The following MYO6 variants were observed in gnomAD, a reference collection of about 807,000 sequenced individuals.
MYO6 encodes myosin VI, also known as unconventional myosin-VI.
In MYO6, 74 loss-of-function variants were observed where a neutral mutation model predicts 178.7. The ratio of observed to expected loss-of-function variants is 0.41; its 90% CI spans 0.34 to 0.50. MYO6 has a LOEUF of 0.50. Ranked by LOEUF, MYO6 falls within the 20% of genes least tolerant of loss-of-function variation. The pLI is 0.09. For missense variants in MYO6, 1,330 were observed against 1,547.4 expected, an observed-to-expected ratio of 0.86 and a Z score of 2.36; for synonymous variants, 477 against 504.6, an observed-to-expected ratio of 0.95 and a Z score of 0.73.
intron 30 of MYO6, among the ~76,000 whole-genome samples, chr6:75,899,244 A>G (rs1422355204): frequency 6.6e-6 from 1 of 152,180 alleles, no homozygotes; most frequent in Admixed American, 6.5e-5. Context: ...TTTGAATTTA[A>G]TGTAATTTTT....
chr6:75,904,999 G>A lies in MYO6; in HGVS notation c.3177-2606G>A, dbSNP rs577205337. ...GAGTACCCGGCCGTGTGAGGTGTCA[G>A]TCTGCCCCTGCTGGGGGTGCCTCCC... On this transcript the variant is annotated intron_variant, in intron 30 of 34. Coordinates refer to ENST00000369977, the MANE Select transcript of MYO6 (RefSeq NM_004999.4). Among the ~76,000 whole-genome samples, 3 of 152,302 alleles carry A rather than the reference G, an allele frequency of 2.0e-5. No homozygotes were observed. The South Asian group carries it at 6.2e-4, about 32-fold the overall frequency.
At chr6:75,866,787 T>A in intron 17 of MYO6, 145 bp from the exon 18 acceptor site, 1 of 1,041,586 alleles carries the variant, frequency 9.6e-7, no homozygotes, top group Non-Finnish European at 1.5e-6. Context: ...AGGTGCCCAG[T>A]GTCCACACTG....
chr6:75,800,745 G>A (rs1769369783), intron 1 of MYO6, among the ~76,000 whole-genome samples: 1 of 152,020 alleles, frequency 6.6e-6, no homozygotes, highest in Admixed American at 6.6e-5. Context: ...TTTTGAGACA[G>A]GGTCTCACTC....
chr6:75,836,067 T>C, intron 7 of MYO6, 111 bp downstream of exon 7: 4 of 764,836 alleles, frequency 5.2e-6, no homozygotes, highest in Non-Finnish European at 9.5e-6. Context: ...TCTTATCTCC[T>C]ACTAATCATT....
chr6:75,879,992 T>G, intron 21 of MYO6, 42 bp downstream of exon 21: 2 of 1,613,570 alleles, frequency 1.2e-6, no homozygotes, highest in Non-Finnish European at 1.7e-6. Context: ...GCTATGAACT[T>G]GTCTTTTCTA....
intron 7 of MYO6, among the ~76,000 whole-genome samples, chr6:75,837,194 G>C (rs1041129968): frequency 6.6e-6 from 1 of 151,946 alleles, no homozygotes; most frequent in Non-Finnish European, 1.5e-5. Flanking sequence ...GATGTATTAG[G>C]CATTATCTCA....
At chr6:75,840,763 C>A in intron 8 of MYO6, 81 bp downstream of exon 8, 2 of 1,006,792 alleles carry the variant, frequency 2.0e-6, no homozygotes, top group Non-Finnish European at 3.1e-6. Context: ...TGTATTTGCA[C>A]TTAATGGTAA....
At chr6:75,781,270 G>A (rs138920820) in intron 1 of MYO6, among the ~76,000 whole-genome samples, 227 of 152,308 alleles carry the variant, frequency 1.5e-3, no homozygotes, top group Admixed American at 4.0e-3. Context: ...CCTGAGAAGG[G>A]TTAGAGTGAA....
intron 30 of MYO6, among the ~76,000 whole-genome samples, chr6:75,904,496 AC>A (rs1479644965): frequency 6.6e-6 from 1 of 151,922 alleles, no homozygotes; most frequent in Non-Finnish European, 1.5e-5. Context: ...CATCGCTGAT[AC>A]CCTTTCTTCC....
At position 75,915,473 on chromosome 6, in the gene MYO6, C is replaced by G. The variant is rs1156399072; in HGVS notation, c.*461C>G. The stretch of plus-strand genomic sequence containing the variant: ...GGCACTAATGTTTTGGTCTGAAAAG[C>G]TGTGTACTTTATAGACATTTTCAGA... On this transcript the variant is annotated 3_prime_UTR_variant, in exon 35 of 35. Transcript: ENST00000369977. 5.9e-6 allele frequency: 1 copy of G among 168,954 alleles called. No homozygotes were observed. 10.5% of individuals were successfully genotyped at this position (168,954 alleles called of 1,614,324 possible). A position where few individuals can be genotyped will look rare whatever the true frequency, so the allele number is the denominator to read the frequency against.
chr6:75,864,592 C>T (rs1044740910), intron 16 of MYO6, among the ~76,000 whole-genome samples: 1 of 152,106 alleles, frequency 6.6e-6, no homozygotes, highest in African/African-American at 2.4e-5. Context: ...GGAGTTGGCA[C>T]CTAGAGTCAT....
intron 22 of MYO6, among the ~76,000 whole-genome samples, chr6:75,881,468 G>A (rs1333862882): frequency 7.5e-6 from 1 of 133,064 alleles, no homozygotes; most frequent in East Asian, 2.2e-4. Flanking sequence ...CTAGCATTAA[G>A]TAACCTCCTT....
chr6:75,757,053 T>C (rs1330073637), intron 1 of MYO6, among the ~76,000 whole-genome samples: 1 of 142,512 alleles, frequency 7.0e-6, no homozygotes, highest in Non-Finnish European at 1.5e-5. Context: ...TATGTGTATA[T>C]ATGTATACAC....
At chr6:75,907,271 T>A (rs1780402555) in intron 30 of MYO6, among the ~76,000 whole-genome samples, 2 of 152,240 alleles carry the variant, frequency 1.3e-5, no homozygotes, top group African/African-American at 4.8e-5. Context: ...TTGAGGAATA[T>A]ATGTCAGTAT....
intron 1 of MYO6, among the ~76,000 whole-genome samples, chr6:75,798,498 T>C (rs1769089369): frequency 6.6e-6 from 1 of 152,136 alleles, no homozygotes; most frequent in South Asian, 2.1e-4. Flanking sequence ...TTCACCACAT[T>C]GACAAAATTA....
intron 20 of MYO6, among the ~76,000 whole-genome samples, chr6:75,878,550 C>A (rs1777754780): frequency 6.6e-6 from 1 of 152,180 alleles, no homozygotes; most frequent in Non-Finnish European, 1.5e-5. Context: ...CTTTGCCAGT[C>A]AAATGGGTTA....
rs1003673070 is a variant in MYO6, at chr6:75,854,050, T to C, written c.1079-1089T>C. On this transcript the variant is annotated intron_variant, in intron 11 of 34. Coordinates refer to ENST00000369977, the MANE Select transcript of MYO6 (RefSeq NM_004999.4). ...TGATCAGCCCTGAGACTAAAGCACT[T>C]TCTTTCTTTATAGTACTTTTTAAAG... Among the ~76,000 whole-genome samples, 10 of 152,148 alleles carry C rather than the reference T, an allele frequency of 6.6e-5. 1 individual carries two copies. In the South Asian group the frequency reaches 1.5e-3, roughly 22 times the overall value.
Position 75,832,738 on chromosome 6 carries a change from A to G in MYO6, c.392-104A>G, listed in dbSNP as rs2150221657. On this transcript the variant is annotated intron_variant, in intron 5 of 34. Coordinates refer to ENST00000369977, the MANE Select transcript of MYO6 (RefSeq NM_004999.4). ...TTAAAATTTCATTAACATTGAATAG[A>G]CATTTATGATTTCTTTAAGAGTAAG... 3 of 697,944 alleles carry G rather than the reference A, an allele frequency of 4.3e-6. No homozygotes were observed. The East Asian group carries it at 8.2e-5, about 19-fold the overall frequency. 43.2% of individuals were successfully genotyped at this position (697,944 alleles called of 1,614,324 possible). A position where few individuals can be genotyped will look rare whatever the true frequency, so the allele number is the denominator to read the frequency against.
intron 1 of MYO6, among the ~76,000 whole-genome samples, chr6:75,777,357 A>G (rs1335856642): frequency 1.3e-5 from 2 of 152,126 alleles, no homozygotes; most frequent in African/African-American, 2.4e-5. Flanking sequence ...TGTTTGAAAC[A>G]CAGACTTTGG....
Sources: gnomAD v4.1 joint callset for allele counts (sites outside exome capture counted in the v4.1 genomes callset) on GRCh38, gnomAD v4.1.1 for gene constraint, MANE v1.5 for transcripts, NCBI Gene and HGNC (gene_info 2026-07-23, HGNC 2026-07-21) for gene names.